The following AUTS2 variants were observed in gnomAD, a reference collection of about 807,000 sequenced individuals.
AUTS2 encodes activator of transcription and developmental regulator AUTS2, also known as autism susceptibility gene 2 protein.
In AUTS2, 17 loss-of-function variants were observed where a neutral mutation model predicts 112.4. The ratio of observed to expected loss-of-function variants is 0.15; its 90% CI spans 0.10 to 0.23. AUTS2 has a LOEUF of 0.23. Ranked by LOEUF, AUTS2 falls within the 10% of genes least tolerant of loss-of-function variation. The probability of loss-of-function intolerance (pLI) is 1.00; values close to 1 mark genes in which losing one functional copy is unlikely to be tolerated. For missense variants in AUTS2, 1,510 were observed against 1,701.6 expected (o/e 0.89, Z 1.98); for synonymous variants, 751 against 702.7 (o/e 1.07, Z -1.09).
intron 1 of AUTS2, among the ~76,000 whole-genome samples, chr7:69,852,282 A>G (rs1792519529): frequency 6.6e-6 from 1 of 152,090 alleles, no homozygotes; most frequent in Non-Finnish European, 1.5e-5. Flanking sequence ...AGGATGTATA[A>G]TTCTTTTTAT....
chr7:70,142,090 G>A (rs1339856365), intron 4 of AUTS2, among the ~76,000 whole-genome samples: 1 of 152,172 alleles, frequency 6.6e-6, no homozygotes, highest in Admixed American at 6.5e-5. Context: ...AATAGGCTGG[G>A]TATTTTTAAA....
At chr7:70,355,367 A>G (rs1012374834) in intron 4 of AUTS2, among the ~76,000 whole-genome samples, 1 of 152,098 alleles carries the variant, frequency 6.6e-6, no homozygotes, top group African/African-American at 2.4e-5. Flanking sequence ...GATCAAAAGC[A>G]GGGCTAATGA....
intron 5 of AUTS2, among the ~76,000 whole-genome samples, chr7:70,642,025 G>C (rs2129540373): frequency 6.6e-6 from 1 of 152,304 alleles, no homozygotes; most frequent in South Asian, 2.1e-4. Context: ...CTTGTAATGT[G>C]TCTATTTATG....
chr7:70,576,398 T>C (rs1192777392), intron 5 of AUTS2, among the ~76,000 whole-genome samples: 1 of 152,184 alleles, frequency 6.6e-6, no homozygotes, highest in Non-Finnish European at 1.5e-5. Flanking sequence ...TCCACAGTGA[T>C]CCCTTGCTCT....
intron 2 of AUTS2, among the ~76,000 whole-genome samples, chr7:69,919,685 C>T (rs1246746803): frequency 6.6e-6 from 1 of 152,004 alleles, no homozygotes; most frequent in African/African-American, 2.4e-5. Context: ...GTGATTGTAC[C>T]AGAATGCAGA....
In AUTS2 at chr7:69,856,917, G is replaced by T. The variant is rs114898154; in HGVS notation, c.310-42369G>T. On this transcript the variant is annotated intron_variant, in intron 1 of 18. Coordinates refer to ENST00000342771, the MANE Select transcript of AUTS2 (RefSeq NM_015570.4). ...ACACAGTGGCCTTGAACTATAGTGG[G>T]CACTTGAAATGGCAACATTTTGTAT... 1.2e-3 allele frequency among the ~76,000 whole-genome samples: 180 copies of T among 152,292 alleles called. 2 individuals are homozygous for T. Among genetic ancestry groups the T allele is most frequent in the African/African-American group, 4.0e-3 (167 of 41,562 alleles).
chr7:70,439,154 G>A (rs922746354), intron 5 of AUTS2, among the ~76,000 whole-genome samples: 2 of 152,182 alleles, frequency 1.3e-5, no homozygotes, highest in African/African-American at 4.8e-5. Flanking sequence ...GCTTTGATGA[G>A]ACACTGAGCA....
chr7:69,765,519 G>A (rs1330066369), intron 1 of AUTS2, among the ~76,000 whole-genome samples: 3 of 152,138 alleles, frequency 2.0e-5, no homozygotes, highest in Non-Finnish European at 4.4e-5. Context: ...GTCTCACTGT[G>A]TTGCCCAGGT....
At chr7:69,938,932 A>G (rs1467849872) in intron 2 of AUTS2, among the ~76,000 whole-genome samples, 2 of 152,214 alleles carry the variant, frequency 1.3e-5, no homozygotes, top group African/African-American at 2.4e-5. Flanking sequence ...GAAAAATGAT[A>G]GGGCCTGCTG....
chr7:70,483,541 G>T (rs892681269), intron 5 of AUTS2, among the ~76,000 whole-genome samples: 1 of 152,190 alleles, frequency 6.6e-6, no homozygotes, highest in Non-Finnish European at 1.5e-5. Flanking sequence ...TGAGCAACCC[G>T]TGTGCTTAGC....
chr7:70,230,626 G>GT (rs1402597744), intron 4 of AUTS2, among the ~76,000 whole-genome samples: 1 of 152,176 alleles, frequency 6.6e-6, no homozygotes, highest in African/African-American at 2.4e-5. Flanking sequence ...AGCTTACTAA[G>GT]GCTTTCTGCA....
intron 1 of AUTS2, among the ~76,000 whole-genome samples, chr7:69,674,853 T>C (rs931360521): frequency 6.6e-6 from 1 of 152,082 alleles, no homozygotes; most frequent in African/African-American, 2.4e-5. Flanking sequence ...GGTGAGGCTG[T>C]GAGAGGGACA....
At chr7:69,661,247 C>T (rs1206114418) in intron 1 of AUTS2, among the ~76,000 whole-genome samples, 1 of 152,128 alleles carries the variant, frequency 6.6e-6, no homozygotes, top group African/African-American at 2.4e-5. Flanking sequence ...AGGTGATGAA[C>T]CTGCTTTACC....
chr7:70,272,034 T>C (rs958062503), intron 4 of AUTS2, among the ~76,000 whole-genome samples: 4 of 152,110 alleles, frequency 2.6e-5, no homozygotes, highest in Non-Finnish European at 4.4e-5. Context: ...ACTAATGAGA[T>C]TGAGCCTGCG....
intron 5 of AUTS2, among the ~76,000 whole-genome samples, chr7:70,594,688 C>T (rs1306417855): frequency 6.6e-6 from 1 of 152,064 alleles, no homozygotes; most frequent in East Asian, 1.9e-4. Flanking sequence ...TTTGTATGGG[C>T]GGAGGTTGCA....
At chr7:70,612,030 A>G (rs1044674097) in intron 5 of AUTS2, among the ~76,000 whole-genome samples, 4 of 152,222 alleles carry the variant, frequency 2.6e-5, no homozygotes, top group Non-Finnish European at 5.9e-5. Context: ...TGTATAATGT[A>G]TACACAAATG....
intron 2 of AUTS2, among the ~76,000 whole-genome samples, chr7:70,016,013 T>G (rs1178090692): frequency 1.3e-5 from 2 of 152,170 alleles, no homozygotes; most frequent in Admixed American, 1.3e-4. Context: ...CAGGACTACT[T>G]GGTTTCAGAG....
intron 1 of AUTS2, among the ~76,000 whole-genome samples, chr7:69,639,898 A>C (rs1455529905): frequency 6.6e-6 from 1 of 152,226 alleles, no homozygotes; most frequent in Non-Finnish European, 1.5e-5. Flanking sequence ...ATCCCTTGGC[A>C]GCAGCTGTCT....
chr7:69,948,615 T>C (rs2129545701), intron 2 of AUTS2, among the ~76,000 whole-genome samples: 1 of 152,248 alleles, frequency 6.6e-6, no homozygotes, highest in East Asian at 1.9e-4. Flanking sequence ...TGGCTAGACT[T>C]TTCATCTGTG....
Sources: allele counts gnomAD v4.1 joint callset (sites outside exome capture counted in the v4.1 genomes callset), GRCh38; gene constraint gnomAD v4.1.1; transcripts MANE v1.5; gene names NCBI Gene and HGNC (gene_info 2026-07-23, HGNC 2026-07-21).